KCNB2: variants seen among roughly 807,000 people sequenced by gnomAD.
KCNB2 encodes the protein delayed rectifier potassium channel protein.
A neutral mutation model predicts 61.5 loss-of-function variants in KCNB2; 15 were observed. The observed-to-expected ratio is 0.24, with a 90% CI of 0.16 to 0.38. KCNB2 has a LOEUF of 0.38. Ranked by LOEUF, KCNB2 falls within the 10% of genes least tolerant of loss-of-function variation. The probability of loss-of-function intolerance (pLI) is 1.00; values close to 1 mark genes in which losing one functional copy is unlikely to be tolerated. For missense variants in KCNB2, 828 were observed against 1,125.2 expected (o/e 0.74, Z 3.78); for synonymous variants, 457 against 446.0 (o/e 1.02, Z -0.31).
intron 2 of KCNB2, among the ~76,000 whole-genome samples, chr8:72,667,298 A>G (rs1806493058): frequency 6.6e-6 from 1 of 152,094 alleles, no homozygotes; most frequent in East Asian, 1.9e-4. Flanking sequence ...TCTCTCTTGT[A>G]TGTGCACACA....
At chr8:72,895,403 G>A (rs1215239426) in intron 2 of KCNB2, among the ~76,000 whole-genome samples, 1 of 152,120 alleles carries the variant, frequency 6.6e-6, no homozygotes. Context: ...GTGGAAGAAG[G>A]GGAGCATGAC....
At chr8:72,923,357 A>G (rs1198252670) in intron 2 of KCNB2, among the ~76,000 whole-genome samples, 1 of 152,172 alleles carries the variant, frequency 6.6e-6, no homozygotes, top group South Asian at 2.1e-4. Context: ...TTGTAGGGCC[A>G]TTTCAAAATA....
rs774490461 is a variant in KCNB2 at position 72,808,403 on chromosome 8, A to G, written c.580-127532A>G. On this transcript the variant is annotated intron_variant, in intron 2 of 2. Transcript: ENST00000523207. ...AATGAACTACTAAATGATCTGTTTC[A>G]TGTCATAGTTTTTAAAAGCACCTAA... is the stretch of plus-strand genomic sequence containing the variant. 2.0e-5 allele frequency among the ~76,000 whole-genome samples: 3 copies of G among 152,166 alleles called. No homozygotes were observed. The East Asian group carries it at 5.8e-4, about 29-fold the overall frequency.
intron 2 of KCNB2, among the ~76,000 whole-genome samples, chr8:72,581,082 G>A (rs894586020): frequency 2.0e-5 from 3 of 152,102 alleles, no homozygotes; most frequent in Non-Finnish European, 4.4e-5. Context: ...CAGGGCTCTG[G>A]TCTAGACAGG....
At chr8:72,822,383 G>T (rs1317486944) in intron 2 of KCNB2, among the ~76,000 whole-genome samples, 1 of 152,234 alleles carries the variant, frequency 6.6e-6, no homozygotes, top group Non-Finnish European at 1.5e-5. Context: ...GCAAAGACAA[G>T]ACACAGATAG....
rs1805799547 is a variant in KCNB2 at position 72,885,901 on chromosome 8, CA to C, written c.580-50032del. On this transcript the variant is annotated intron_variant, in intron 2 of 2. Coordinates refer to ENST00000523207, the MANE Select transcript of KCNB2 (RefSeq NM_004770.3). ...CCTGGTATTTTACTCTACTGTTTCC[CA>C]AGATATTTTTCTAATTCTGACTAAA... 3.9e-5 allele frequency among the ~76,000 whole-genome samples: 6 copies of C among 152,108 alleles called. No homozygotes were observed. In the South Asian group the frequency reaches 1.2e-3, roughly 32 times the overall value.
In KCNB2 at chr8:72,748,610, T is replaced by G. The variant is rs1185882644; in HGVS notation, c.579+180297T>G. Among the ~76,000 whole-genome samples the G allele has an allele frequency of 4.0e-5, 4 of 98,980 alleles. No homozygotes were observed. The East Asian group carries it at 9.3e-4, about 23-fold the overall frequency. 64.9% of individuals were successfully genotyped at this position (98,980 alleles called of 152,430 possible). A position where few individuals can be genotyped will look rare whatever the true frequency, so the allele number is the denominator to read the frequency against. On this transcript the variant is annotated intron_variant, in intron 2 of 2. Coordinates refer to ENST00000523207, the MANE Select transcript of KCNB2 (RefSeq NM_004770.3). ...TGAACTCACTTTGGTTTTTTTTTTG[T>G]TGTTTTTTTTTTTTTGAAATTAAAA...
intron 2 of KCNB2, among the ~76,000 whole-genome samples, chr8:72,589,576 C>T (rs1259730069): frequency 3.9e-5 from 6 of 152,146 alleles, no homozygotes; most frequent in Non-Finnish European, 8.8e-5. Flanking sequence ...AGCCATCCTA[C>T]GGAAGGAGGA....
At chr8:72,632,957 A>T (rs965061418) in intron 2 of KCNB2, among the ~76,000 whole-genome samples, 12 of 152,188 alleles carry the variant, frequency 7.9e-5, no homozygotes, top group African/African-American at 2.9e-4. Flanking sequence ...TGCCAAAGCA[A>T]ATTACCACAA....
intron 2 of KCNB2, among the ~76,000 whole-genome samples, chr8:72,746,379 G>A (rs1808066589): frequency 6.6e-6 from 1 of 152,122 alleles, no homozygotes; most frequent in Non-Finnish European, 1.5e-5. Context: ...ATTGAGAGTG[G>A]TCATAAATAG....
At chr8:72,725,587 G>GTATATATATA (rs1255717006) in intron 2 of KCNB2, among the ~76,000 whole-genome samples, 1 of 25,218 alleles carries the variant, frequency 4.0e-5, no homozygotes, top group Non-Finnish European at 9.6e-5. Flanking sequence ...ATATATATAT[G>GTATATATATA]TATGTATATA....
chr8:72,848,493 T>C (rs530181921), intron 2 of KCNB2, among the ~76,000 whole-genome samples: 134 of 152,204 alleles, frequency 8.8e-4, no homozygotes, highest in African/African-American at 3.1e-3. Flanking sequence ...ATAAACATAG[T>C]CATGTTCTTG....
At chr8:72,902,524 C>G (rs1241407245) in intron 2 of KCNB2, among the ~76,000 whole-genome samples, 1 of 152,024 alleles carries the variant, frequency 6.6e-6, no homozygotes, top group Admixed American at 6.6e-5. Flanking sequence ...GAAGGGTATG[C>G]TACATGGATA....
chr8:72,719,609 A>G (rs1012154917), intron 2 of KCNB2, among the ~76,000 whole-genome samples: 1 of 152,100 alleles, frequency 6.6e-6, no homozygotes, highest in African/African-American at 2.4e-5. Flanking sequence ...GTCATTATAA[A>G]TGTCCTCCTA....
At chr8:72,728,361 G>T (rs550747320) in intron 2 of KCNB2, among the ~76,000 whole-genome samples, 1 of 152,088 alleles carries the variant, frequency 6.6e-6, no homozygotes, top group Non-Finnish European at 1.5e-5. Context: ...TGTCATACAC[G>T]GCATTCCATC....
intron 2 of KCNB2, among the ~76,000 whole-genome samples, chr8:72,590,428 G>A (rs1185861427): frequency 6.6e-6 from 1 of 152,052 alleles, no homozygotes; most frequent in Non-Finnish European, 1.5e-5. Context: ...GAGCAAAAGG[G>A]CAAAGTTACT....
At chr8:72,782,096 T>C (rs1303738105) in intron 2 of KCNB2, among the ~76,000 whole-genome samples, 1 of 152,086 alleles carries the variant, frequency 6.6e-6, no homozygotes, top group Non-Finnish European at 1.5e-5. Context: ...ATCCTGCACA[T>C]GTATCCTGGA....
intron 2 of KCNB2, among the ~76,000 whole-genome samples, chr8:72,848,744 T>A (rs1810042523): frequency 6.6e-6 from 1 of 152,058 alleles, no homozygotes; most frequent in African/African-American, 2.4e-5. Flanking sequence ...AAATTCAATA[T>A]TAAATTCATT....
intron 2 of KCNB2, among the ~76,000 whole-genome samples, chr8:72,633,388 C>A (rs931336015): frequency 6.6e-6 from 1 of 152,118 alleles, no homozygotes; most frequent in Non-Finnish European, 1.5e-5. Flanking sequence ...AGATTGGTTT[C>A]TTTTGGGTAA....
Sources: allele counts gnomAD v4.1 joint callset (sites outside exome capture counted in the v4.1 genomes callset), GRCh38; gene constraint gnomAD v4.1.1; transcripts MANE v1.5; gene names NCBI Gene and HGNC (gene_info 2026-07-23, HGNC 2026-07-21).